The following MASP2 variants were observed in gnomAD, a reference collection of about 807,000 sequenced individuals.
MASP2 encodes MBL associated serine protease 2, also known as mannan-binding lectin serine protease 2.
In MASP2, 49 loss-of-function variants were observed where a neutral mutation model predicts 57.1. The observed-to-expected ratio is 0.86, with a 90% confidence interval of 0.68 to 1.09. The LOEUF (loss-of-function observed/expected upper bound fraction) is 1.09. Among genes scored for constraint, MASP2 ranks in the 50% least tolerant of loss-of-function variants. The probability of loss-of-function intolerance (pLI) is 0.00; values close to 1 mark genes in which losing one functional copy is unlikely to be tolerated. For missense variants in MASP2, 900 were observed against 874.8 expected (o/e 1.03, Z -0.36); for synonymous variants, 379 against 340.8 (o/e 1.11, Z -1.24).
At chr1:11,045,092 C>T (rs1638585694) in intron 4 of MASP2, 1 of 863,352 alleles carries the variant, frequency 1.2e-6, no homozygotes, top group South Asian at 1.5e-5. Context: ...AACCAGGGAA[C>T]CAGGTCCCAA....
intron 8 of MASP2, 98 bp downstream of exon 8, chr1:11,034,730 A>G (rs1245595623): frequency 1.2e-6 from 1 of 813,102 alleles, no homozygotes; most frequent in African/African-American, 1.8e-5. Flanking sequence ...AGAAAAAAGA[A>G]AGTAAACAGA....
In MASP2 at chr1:11,047,214, C is replaced by T. The variant is rs367877632; in HGVS notation, c.-7G>A. 7.4e-5 allele frequency: 115 copies of T among 1,561,430 alleles called. 2 individuals carry two copies. In the African/African-American group the frequency reaches 1.2e-3, roughly 17 times the overall value. ...GGGCGCCCACCTACCTCATGGTGTG[C>T]CCGTCCAGCTGGCCTGGCCTGGTCT... is the stretch of plus-strand genomic sequence containing the variant. On this transcript the variant is annotated 5_prime_UTR_variant, in exon 1 of 11. Transcript: ENST00000400897.
intron 6 of MASP2, 62 bp from the exon 7 acceptor site, chr1:11,037,873 G>C (rs573808390): frequency 5.5e-6 from 5 of 909,858 alleles, no homozygotes; most frequent in Non-Finnish European, 8.5e-6. Flanking sequence ...AGACTGAATC[G>C]AGCCATCTGA....
At chr1:11,040,783 AGGAT>A (rs1322741263) in intron 6 of MASP2, among the ~76,000 whole-genome samples, 1 of 149,412 alleles carries the variant, frequency 6.7e-6, no homozygotes, top group East Asian at 2.0e-4. Context: ...GGGTGGATAA[AGGAT>A]GGATGGATGG....
intron 5 of MASP2, 102 bp from the exon 6 acceptor site, chr1:11,043,124 G>A: frequency 7.8e-7 from 1 of 1,275,972 alleles, no homozygotes. Context: ...CAGCCAATGA[G>A]GCCAACCCAG....
At chr1:11,044,705 C>T in intron 4 of MASP2, 1 of 1,209,760 alleles carries the variant, frequency 8.3e-7, no homozygotes, top group South Asian at 1.5e-5. Context: ...CTCCCACAGA[C>T]CTGGGGTTCA....
chr1:11,035,675 G>C (rs566608999), intron 7 of MASP2, among the ~76,000 whole-genome samples: 1 of 151,422 alleles, frequency 6.6e-6, no homozygotes, highest in African/African-American at 2.4e-5. Context: ...TGGGAGGATT[G>C]CTTGAGCTCA....
At position 11,027,286 on chromosome 1, in the gene MASP2, G is replaced by A; in HGVS notation, c.1660C>T (p.Pro554Ser). 6.2e-7 allele frequency: 1 copy of A among 1,613,820 alleles called. No homozygotes were observed. The highest frequency in any genetic ancestry group is 8.5e-7 in the Non-Finnish European group (1 of 1,179,874). Residue 554 changes from proline to serine, a missense_variant, in exon 11 of 11, where the codon CCA becomes TCA. By Grantham distance (74) the Pro-to-Ser change is moderately conservative. Coordinates refer to ENST00000400897, the MANE Select transcript of MASP2 (RefSeq NM_006610.4). ...INSNITPICL[P>S]RKEAESFMRT... ...ATAAAGGATTCAGCTTCTTTTCTTG[G>A]CAGACAAATAGGCGTGATGTTGCTA...
At chr1:11,035,590 T>C (rs907630677) in intron 7 of MASP2, among the ~76,000 whole-genome samples, 1 of 151,262 alleles carries the variant, frequency 6.6e-6, no homozygotes, top group African/African-American at 2.4e-5. Flanking sequence ...TGTTCCACCA[T>C]TTCTTTATAT....
intron 6 of MASP2, among the ~76,000 whole-genome samples, chr1:11,040,242 G>A (rs1043446192): frequency 2.5e-4 from 38 of 152,008 alleles, no homozygotes; most frequent in Non-Finnish European, 4.6e-4. Context: ...AGGCCAAGGC[G>A]GATGGATCAC....
chr1:11,043,033 A>G lies in MASP2; in HGVS notation c.742-11T>C. The G allele has an allele frequency of 6.2e-7, 1 of 1,612,562 alleles. No individual in the cohort carries two copies. The highest frequency in any genetic ancestry group is 8.5e-7 in the Non-Finnish European group (1 of 1,179,028). ...TCTGTCTGTTTGAATCTGAGAAAGA[A>G]GCTCATGAAAGCTGGGGAGCAGCTG... is the stretch of plus-strand genomic sequence containing the variant. On this transcript the variant is annotated splice_polypyrimidine_tract_variant and intron_variant, in intron 5 of 10. Coordinates refer to ENST00000400897, the MANE Select transcript of MASP2 (RefSeq NM_006610.4).
At chr1:11,037,668 C>A in intron 7 of MASP2, 25 bp downstream of exon 7, 2 of 1,395,546 alleles carry the variant, frequency 1.4e-6, no homozygotes, top group Non-Finnish European at 2.0e-6. Context: ...CGTCATTGAT[C>A]GTGGTGTACT....
intron 8 of MASP2, among the ~76,000 whole-genome samples, chr1:11,031,183 G>T (rs1268110034): frequency 6.6e-6 from 1 of 151,918 alleles, no homozygotes; most frequent in Admixed American, 6.6e-5. Context: ...TAGAGAAAGG[G>T]AATTTGAAAC....
chr1:11,033,837 G>A (rs12755574), intron 8 of MASP2, among the ~76,000 whole-genome samples: 95,148 of 150,382 alleles, frequency 0.63, 34,836 homozygotes, highest in Non-Finnish European at 0.81. Context: ...GGAGGCTGAG[G>A]CATGAGAATC....
Position 11,045,456 on chromosome 1 carries a change from A to G in MASP2, c.496T>C (p.Ser166Pro). 1 of 1,613,116 alleles carries G rather than the reference A, an allele frequency of 6.2e-7. No homozygotes were observed. Among genetic ancestry groups the G allele is most frequent in the South Asian group, 1.1e-5 (1 of 91,074 alleles). The change falls in exon 4 of 11, where the codon TCC becomes CCC. Residue 166 changes from serine to proline, a missense_variant. Ser to Pro is a moderately conservative substitution (Grantham distance 74). Transcript: ENST00000400897. Reference sequence around the variant, plus strand: ...TGCAGGACGTAGCCTGCGCGGCAGGAGCAGTAGAAACCGCCCAGGTGGTTG... The same window carrying G: ...TGCAGGACGTAGCCTGCGCGGCAGGGGCAGTAGAAACCGCCCAGGTGGTTG... Reference protein sequence around the residue: ...CHNHLGGFYCSCRAGYVLHRN... With the variant: ...CHNHLGGFYCPCRAGYVLHRN...
At chr1:11,046,036 G>A (rs1188386977) in intron 3 of MASP2, 13 of 188,402 alleles carry the variant, frequency 6.9e-5, no homozygotes, top group South Asian at 4.5e-4. Flanking sequence ...TTTTTGAGAC[G>A]GAGTCTAGCT....
chr1:11,038,871 A>G (rs1011289677), intron 6 of MASP2, among the ~76,000 whole-genome samples: 12 of 152,144 alleles, frequency 7.9e-5, no homozygotes, highest in Non-Finnish European at 7.4e-5. Context: ...CAGAGTGTGT[A>G]GATCCTGGCT....
intron 8 of MASP2, among the ~76,000 whole-genome samples, chr1:11,031,749 A>T (rs1310058194): frequency 6.6e-6 from 1 of 151,818 alleles, no homozygotes; most frequent in Non-Finnish European, 1.5e-5. Flanking sequence ...GGCAATAGCG[A>T]AACCCTCTCT....
chr1:11,041,782 A>G lies in MASP2; in HGVS notation c.889+1093T>C, dbSNP rs958946621. Among the ~76,000 whole-genome samples the G allele has an allele frequency of 2.8e-3, 429 of 150,882 alleles. 3 individuals carry two copies. Among genetic ancestry groups the G allele is most frequent in the South Asian group, 4.0e-3 (19 of 4,730 alleles). ...GATGGATGGAAGAATGGGTGGATGG[A>G]TGGATGGATGGATAGAAGTATGTGT... is the stretch of plus-strand genomic sequence containing the variant. On this transcript the variant is annotated intron_variant, in intron 6 of 10. Transcript: ENST00000400897.
Sources: allele counts gnomAD v4.1 joint callset (sites outside exome capture counted in the v4.1 genomes callset), GRCh38; gene constraint gnomAD v4.1.1; transcripts MANE v1.5; gene names NCBI Gene and HGNC (gene_info 2026-07-23, HGNC 2026-07-21).